Variants in SDE2 observed in about 807,000 individuals in gnomAD.
SDE2 encodes the protein spliceosome associated SDE2, also known as splicing regulator SDE2.
In SDE2, 31 loss-of-function variants were observed where a neutral mutation model predicts 46.9. The observed-to-expected ratio is 0.66, with a 90% CI of 0.50 to 0.89. SDE2 has a LOEUF of 0.89. Among genes scored for constraint, SDE2 ranks in the 40% least tolerant of loss-of-function variants. The probability of loss-of-function intolerance (pLI) is 0.00; values close to 1 mark genes in which losing one functional copy is unlikely to be tolerated. For missense variants in SDE2, 542 were observed against 564.4 expected (o/e 0.96, Z 0.40); for synonymous variants, 205 against 204.3 (o/e 1.00, Z -0.03).
chr1:225,988,128 A>T lies in SDE2; in HGVS notation c.902T>A (p.Leu301Gln). The T allele has an allele frequency of 1.9e-6, 3 of 1,614,070 alleles. No homozygotes were observed. Among genetic ancestry groups the T allele is most frequent in the Non-Finnish European group, 2.5e-6 (3 of 1,180,010 alleles). The change falls in exon 6 of 7, where the codon CTG becomes CAG. Residue 301 changes from leucine to glutamine, a missense_variant. Leu to Gln is a moderately radical substitution (Grantham distance 113). This residue lies in a region of SDE2 where 401 missense variants were observed against 437.8 expected (regional missense o/e 0.92). Transcript: ENST00000272091. ...TTCCATGTGCTCTTTGGACTCCCCC[A>T]GCTCAGCACATGAGTCTTCTAAAAT... is the stretch of plus-strand genomic sequence containing the variant. ...RHILEDSCAE[L>Q]GESKEHMESR...
chr1:225,991,484 A>G, intron 4 of SDE2, 121 bp from the exon 5 acceptor site: 1 of 684,368 alleles, frequency 1.5e-6, no homozygotes. Context: ...TTCTTAAGAT[A>G]CCAACATTTT....
rs1315527560 is a variant in SDE2 at position 225,992,951 on chromosome 1, T to C, written c.290A>G (p.Asn97Ser). 11 of 1,613,526 alleles carry C rather than the reference T, an allele frequency of 6.8e-6. No individual in the cohort carries two copies. Among genetic ancestry groups the C allele is most frequent in the Admixed American group, 1.7e-5 (1 of 59,990 alleles). Residue 97 changes from asparagine to serine, a missense_variant, in exon 3 of 7, where the codon AAT becomes AGT. By Grantham distance (46) the Asn-to-Ser change is conservative. Around this residue, in one of 3 missense-constraint regions of SDE2, gnomAD observed 401 missense variants for 437.8 expected, o/e 0.92. Coordinates refer to ENST00000272091, the MANE Select transcript of SDE2 (RefSeq NM_152608.4). ...ALGAQIEKTT[N>S]REACRDLSGR... is the part of the protein sequence containing the mutation. ...ACTGAGATCCCGACAAGCTTCTCGA[T>C]TGGTTGTCTTCTCAATCTGAGCACC...
intron 5 of SDE2, among the ~76,000 whole-genome samples, chr1:225,988,982 C>T (rs1028319183): frequency 1.5e-4 from 23 of 152,076 alleles, no homozygotes; most frequent in African/African-American, 7.2e-5. Context: ...ACATTACCTT[C>T]GACGGTTGGA....
intron 5 of SDE2, 82 bp from the exon 6 acceptor site, chr1:225,988,470 C>G: frequency 2.8e-6 from 4 of 1,446,700 alleles, no homozygotes; most frequent in Non-Finnish European, 3.8e-6. Context: ...GTGGCTCAGG[C>G]CTGTAATCCC....
chr1:225,984,710 T>G lies in SDE2; in HGVS notation c.*592A>C, dbSNP rs1243516413. On this transcript the variant is annotated 3_prime_UTR_variant, in exon 7 of 7. Transcript: ENST00000272091. ...CTGTAGTCCCAGCTACTGGGGAGGC[T>G]GAGGCAGGAGAATGGCATGAACCCG... 2 of 152,466 alleles carry G rather than the reference T, an allele frequency of 1.3e-5. No individual in the cohort carries two copies. Among genetic ancestry groups the G allele is most frequent in the African/African-American group, 4.8e-5 (2 of 41,394 alleles). The allele number at this position is 152,466 out of a possible 1,614,324, so 9.4% of individuals were successfully genotyped here. A position where few individuals can be genotyped will look rare whatever the true frequency, so the allele number is the denominator to read the frequency against.
chr1:225,987,509 C>T (rs1041937016), intron 6 of SDE2, among the ~76,000 whole-genome samples: 6 of 152,000 alleles, frequency 3.9e-5, no homozygotes, highest in Non-Finnish European at 5.9e-5. Context: ...AATTTAGTGA[C>T]GGGAAAAATG....
chr1:225,999,211 G>A lies in SDE2; in HGVS notation c.102C>T (p.His34=). The change falls in exon 1 of 7, where the codon CAC becomes CAT. Residue 34 remains histidine (H), a synonymous_variant. Coordinates refer to ENST00000272091, the MANE Select transcript of SDE2 (RefSeq NM_152608.4). ...SGRCTVRDFI[H]RHCQDQNVPV... ...TCCTCACCTGATCTTGGCAGTGCCG[G>A]TGGATAAAATCCCGGACGGTGCACC... 1 of 1,612,474 alleles carries A rather than the reference G, an allele frequency of 6.2e-7. No individual in the cohort carries two copies. The highest frequency in any genetic ancestry group is 8.5e-7 in the Non-Finnish European group (1 of 1,179,060).
intron 5 of SDE2, among the ~76,000 whole-genome samples, chr1:225,990,646 A>G (rs1013564420): frequency 1.3e-5 from 2 of 152,208 alleles, no homozygotes; most frequent in African/African-American, 4.8e-5. Context: ...CAGAAAGAAC[A>G]AACATTGTAT....
At chr1:225,996,335 C>G (rs1206830780) in intron 1 of SDE2, among the ~76,000 whole-genome samples, 1 of 151,996 alleles carries the variant, frequency 6.6e-6, no homozygotes, top group Non-Finnish European at 1.5e-5. Flanking sequence ...ACATTAGAAG[C>G]CTTTTGTATG....
intron 2 of SDE2, 100 bp from the exon 3 acceptor site, chr1:225,993,102 C>A: frequency 1.4e-5 from 7 of 487,854 alleles, no homozygotes; most frequent in Non-Finnish European, 1.4e-5. Flanking sequence ...TAACAATGAT[C>A]TCTACTTTCT....
In SDE2 at chr1:225,988,468, G is replaced by T. The variant is rs966766754; in HGVS notation, c.642-80C>A. The T allele has an allele frequency of 1.6e-5, 24 of 1,461,788 alleles. No homozygotes were observed. In the African/African-American group the frequency reaches 2.2e-4, roughly 14 times the overall value. 90.6% of individuals were successfully genotyped at this position (1,461,788 alleles called of 1,614,324 possible). On this transcript the variant is annotated intron_variant, in intron 5 of 6. Transcript: ENST00000272091. Reference sequence around the variant, plus strand: ...AGAGTTGGCTGGGCGCAGTGGCTCAGGCCTGTAATCCCAGGACTTTGGGAG... The same window carrying T: ...AGAGTTGGCTGGGCGCAGTGGCTCATGCCTGTAATCCCAGGACTTTGGGAG...
intron 4 of SDE2, 25 bp from the exon 5 acceptor site, chr1:225,991,388 G>A: frequency 6.2e-7 from 1 of 1,603,076 alleles, no homozygotes; most frequent in East Asian, 2.2e-5. Flanking sequence ...TAACAACTCA[G>A]TTTCTACTAT....
intron 1 of SDE2, among the ~76,000 whole-genome samples, chr1:225,996,827 C>T (rs1230700925): frequency 2.6e-5 from 4 of 152,164 alleles, no homozygotes; most frequent in Non-Finnish European, 4.4e-5. Flanking sequence ...TATATAAAAA[C>T]GTCAACATCA....
At chr1:225,993,259 T>G (rs1255217974) in intron 2 of SDE2, among the ~76,000 whole-genome samples, 1 of 152,154 alleles carries the variant, frequency 6.6e-6, no homozygotes, top group Non-Finnish European at 1.5e-5. Context: ...CCTAATTATT[T>G]ATCCTTGTGT....
chr1:225,988,723 C>T (rs759485538), intron 5 of SDE2, among the ~76,000 whole-genome samples: 16 of 151,946 alleles, frequency 1.1e-4, no homozygotes, highest in Middle Eastern at 3.4e-3. Context: ...AGTGAGACTC[C>T]GTCTCAAAAA....
chr1:225,990,922 G>T (rs1242190556), intron 5 of SDE2, among the ~76,000 whole-genome samples: 2 of 151,956 alleles, frequency 1.3e-5, no homozygotes, highest in Non-Finnish European at 2.9e-5. Flanking sequence ...CAACCACCTG[G>T]AAAGTACAGC....
chr1:225,992,907 C>CA lies in SDE2; in HGVS notation c.333dup (p.Val112CysfsTer4). On this transcript the variant is annotated frameshift_variant, in exon 3 of 7. Transcript: ENST00000272091. LOFTEE classifies it high-confidence loss of function. ...GCATCTTACGCTTTTTCATGATTGA[C>CA]ATCGCGTAGTCTCCTTCCACTGAGA... The CA allele has an allele frequency of 1.2e-6, 2 of 1,606,286 alleles. No individual in the cohort carries two copies. Among genetic ancestry groups the CA allele is most frequent in the Non-Finnish European group, 8.5e-7 (1 of 1,173,112 alleles).
rs542012426 is a variant in SDE2 at position 225,999,265 on chromosome 1, C to T, written c.48G>A (p.Gly16=). The change falls in exon 1 of 7, where the codon GGG becomes GGA. Residue 16 remains glycine, a synonymous_variant. Coordinates refer to ENST00000272091, the MANE Select transcript of SDE2 (RefSeq NM_152608.4). ...CCGAGGCACACCGCACCGCCTTGCACCCGAAGCCAGGGCCGCGAATCCACA... is the reference window on the plus strand; with the variant it reads ...CCGAGGCACACCGCACCGCCTTGCATCCGAAGCCAGGGCCGCGAATCCACA... The part of the protein sequence containing the change: ...ALVWIRGPGF[G]CKAVRCASGR... 6 of 1,613,000 alleles carry T rather than the reference C, an allele frequency of 3.7e-6. No homozygotes were observed. The highest frequency in any genetic ancestry group is 1.3e-5 in the African/African-American group (1 of 75,030).
In SDE2 at chr1:225,987,907, G is replaced by T; in HGVS notation, c.1123C>A (p.Pro375Thr). ...CAAAACATACTTACTGCGTTTCCTG[G>T]CTGGCTTTCCTGCAGTTTGGCAACG... is the stretch of plus-strand genomic sequence containing the variant. ...VAVAKLQESQ[P>T]GNAVIDKETI... The change falls in exon 6 of 7, where the codon CCA becomes ACA. Residue 375 changes from proline (P) to threonine (T), a missense_variant. By Grantham distance (38) the Pro-to-Thr change is conservative. This residue lies in a region of SDE2 where 401 missense variants were observed against 437.8 expected (regional missense o/e 0.92). Coordinates refer to ENST00000272091, the MANE Select transcript of SDE2 (RefSeq NM_152608.4). 6.2e-7 allele frequency: 1 copy of T among 1,611,266 alleles called. No individual in the cohort carries two copies. Among genetic ancestry groups the T allele is most frequent in the Non-Finnish European group, 8.5e-7 (1 of 1,179,052 alleles).
Sources: allele counts gnomAD v4.1 joint callset (sites outside exome capture counted in the v4.1 genomes callset), GRCh38; gene constraint gnomAD v4.1.1; regional missense constraint gnomAD v4.1.1; transcripts MANE v1.5; gene names NCBI Gene and HGNC (gene_info 2026-07-23, HGNC 2026-07-21).